Variants in ELP5 observed in about 807,000 individuals in gnomAD.
ELP5 encodes elongator complex protein 5.
In ELP5, 34 loss-of-function variants were observed where a neutral mutation model predicts 33.4. The ratio of observed to expected loss-of-function variants is 1.02; its 90% CI spans 0.78 to 1.36. ELP5 has a LOEUF of 1.36. ELP5 is among the 40% of genes most tolerant of loss of function. ELP5 has a pLI of 0.00. For synonymous variants in ELP5, 161 were observed against 146.4 expected, an observed-to-expected ratio of 1.10 and a Z score of -0.72; for missense variants, 373 against 371.7, an observed-to-expected ratio of 1.00 and a Z score of -0.03.
Position 7,258,843 on chromosome 17 carries a change from T to C in ELP5, c.705T>C (p.His235=), listed in dbSNP as rs370489581. 52 of 1,614,028 alleles carry C rather than the reference T, an allele frequency of 3.2e-5. No homozygotes were observed. The highest frequency in any genetic ancestry group is 3.9e-5 in the Non-Finnish European group (46 of 1,180,030). ...PHIPPVDPTT[H]LTFNLHLSKK... is the part of the protein sequence containing the mutation. ...ACCTACAGGTGGATCCCACAACTCA[T>C]TTGACCTTTAACCTTCACCTGTCCA... Residue 235 remains histidine (H), a synonymous_variant, in exon 7 of 8, where the codon CAT becomes CAC. Coordinates refer to ENST00000396628, the MANE Select transcript of ELP5 (RefSeq NM_203414.3).
intron 4 of ELP5, among the ~76,000 whole-genome samples, chr17:7,255,728 T>C (rs1180922779): frequency 6.6e-6 from 1 of 152,158 alleles, no homozygotes; most frequent in Non-Finnish European, 1.5e-5. Flanking sequence ...AAGGGAAGTA[T>C]TAGGATGAAC....
intron 7 of ELP5, 51 bp from the exon 8 acceptor site, chr17:7,259,520 C>T (rs762516488): frequency 1.9e-6 from 3 of 1,609,354 alleles, no homozygotes; most frequent in Non-Finnish European, 1.7e-6. Context: ...AGAAAGTATC[C>T]AGACCCAACC....
rs1294695696 is a variant in ELP5 at position 7,252,483 on chromosome 17, A to C, written c.-68A>C. 4.3e-6 allele frequency: 7 copies of C among 1,611,594 alleles called. No individual in the cohort carries two copies. In the Admixed American group the frequency reaches 8.4e-5, roughly 19 times the overall value. ...CGAGTGCTCGGCCCGTTTCACCCCG[A>C]GGAGGAAGGACACTGGGTCATGACG... On this transcript the variant is annotated 5_prime_UTR_variant, in exon 1 of 8. Coordinates refer to ENST00000396628, the MANE Select transcript of ELP5 (RefSeq NM_203414.3).
Position 7,258,807 on chromosome 17 carries a change from G to C in ELP5, c.688-19G>C. ...ATTCTAGGGATGGGGCAGAGTGGCA[G>C]CATCCTTTGTACCTACAGGTGGATC... On this transcript the variant is annotated intron_variant, in intron 6 of 7. Transcript: ENST00000396628. 8.7e-6 allele frequency: 14 copies of C among 1,614,150 alleles called. No homozygotes were observed. The highest frequency in any genetic ancestry group is 1.2e-5 in the Non-Finnish European group (14 of 1,180,026).
At chr17:7,257,169 CTG>C in intron 5 of ELP5, 131 bp downstream of exon 5, 1 of 1,007,376 alleles carries the variant, frequency 9.9e-7, no homozygotes, top group Admixed American at 3.1e-5. Flanking sequence ...TGGGGTTTCA[CTG>C]TGTTGGTCAG....
intron 5 of ELP5, 37 bp downstream of exon 5, chr17:7,257,075 G>C (rs750769884): frequency 1.3e-6 from 2 of 1,508,534 alleles, no homozygotes; most frequent in Non-Finnish European, 1.8e-6. Flanking sequence ...GGAAACGGGG[G>C]ACAGAGAAAG....
chr17:7,256,594 A>G (rs974724010), intron 4 of ELP5, among the ~76,000 whole-genome samples: 2 of 152,202 alleles, frequency 1.3e-5, no homozygotes, highest in South Asian at 2.1e-4. Flanking sequence ...CACCTGCTGG[A>G]AGCGTTCGTT....
At chr17:7,259,011 T>C in intron 7 of ELP5, 85 bp downstream of exon 7, 1 of 1,580,160 alleles carries the variant, frequency 6.3e-7, no homozygotes, top group Non-Finnish European at 8.6e-7. Context: ...GGTTATTGAT[T>C]AACCTGACTT....
At position 7,252,821 on chromosome 17, in the gene ELP5, C is replaced by T. The variant is rs780415671; in HGVS notation, c.98C>T (p.Ser33Phe). ...CTCTTGAAGGCGCTTGTCAAGAAAT[C>T]TGCACTGTGGTGAGTATCCCACAGT... is the stretch of plus-strand genomic sequence containing the variant. ...RSLLKALVKK[S>F]ALCGEQVHIL... The change falls in exon 2 of 8, where the codon TCT (serine) becomes TTT (phenylalanine). Residue 33 changes from serine (S) to phenylalanine (F), a missense_variant. Transcript: ENST00000396628. The T allele has an allele frequency of 5.0e-6, 8 of 1,614,110 alleles. No individual in the cohort carries two copies. Among genetic ancestry groups the T allele is most frequent in the Non-Finnish European group, 6.8e-6 (8 of 1,180,044 alleles).
intron 3 of ELP5, among the ~76,000 whole-genome samples, chr17:7,253,459 C>T (rs2071999756): frequency 6.6e-6 from 1 of 152,090 alleles, no homozygotes; most frequent in African/African-American, 2.4e-5. Flanking sequence ...ATGTAAAGGA[C>T]TTTAGTGGGT....
At chr17:7,257,591 C>G (rs543748953) in intron 5 of ELP5, among the ~76,000 whole-genome samples, 1 of 151,860 alleles carries the variant, frequency 6.6e-6, no homozygotes, top group African/African-American at 2.4e-5. Flanking sequence ...CATGTAGCAC[C>G]ACATCCAGCC....
At chr17:7,254,937 CTGTTT>C in intron 4 of ELP5, 134 bp downstream of exon 4, 1 of 611,816 alleles carries the variant, frequency 1.6e-6, no homozygotes, top group African/African-American at 3.2e-5. Context: ...ACTTTTTTGT[CTGTTT>C]TTTTTTTTTT....
chr17:7,252,860 A>T, intron 2 of ELP5, 30 bp downstream of exon 2: 12 of 1,614,092 alleles, frequency 7.4e-6, no homozygotes, highest in Non-Finnish European at 1.0e-5. Context: ...TCCCCGGCCT[A>T]CCCTGGATAG....
chr17:7,254,387 A>G (rs1364057435), intron 3 of ELP5, among the ~76,000 whole-genome samples, 196 bp from the exon 4 acceptor site: 2 of 152,232 alleles, frequency 1.3e-5, no homozygotes, highest in Non-Finnish European at 2.9e-5. Context: ...AGCAAAGCCA[A>G]GCTTGGAGAT....
At chr17:7,259,320 A>T (rs1258419311) in intron 7 of ELP5, 3 of 1,395,508 alleles carry the variant, frequency 2.1e-6, no homozygotes, top group Non-Finnish European at 9.3e-7. Context: ...CGGATGACGC[A>T]AGACTACAAG....
Position 7,256,954 on chromosome 17 carries a change from G to C in ELP5, c.507G>C (p.Gln169His). 1.2e-6 allele frequency: 2 copies of C among 1,613,738 alleles called. No homozygotes were observed. Among genetic ancestry groups the C allele is most frequent in the Non-Finnish European group, 8.5e-7 (1 of 1,180,010 alleles). Residue 169 changes from glutamine to histidine, a missense_variant, in exon 5 of 8, where the codon CAG becomes CAC. Physicochemically the swap from Gln to His is conservative, Grantham distance 24. Transcript: ENST00000396628. ...GPVGALSSLA[Q>H]TEVTLGGTMG... is the part of the protein sequence containing the mutation. ...TGGGAGCTCTCAGCAGCCTTGCTCA[G>C]ACTGAGGTGACCCTGGGCGGTACCA...
chr17:7,254,661 A>G lies in ELP5; in HGVS notation c.267A>G (p.Gly89=), dbSNP rs749960703. 7 of 1,614,112 alleles carry G rather than the reference A, an allele frequency of 4.3e-6. No homozygotes were observed. The highest frequency in any genetic ancestry group is 5.9e-6 in the Non-Finnish European group (7 of 1,180,002). ...AGGCCTTTCCTGGGGGGCCGCTGGG[A>G]GCCTTGAGAGCCATGTGCAAGAGGA... ...TEEAFPGGPL[G]ALRAMCKRTD... is the part of the protein sequence containing the mutation. Residue 89 remains glycine, a synonymous_variant, in exon 4 of 8, where the codon GGA becomes GGG. Transcript: ENST00000396628.
chr17:7,257,960 C>T (rs952599449), intron 5 of ELP5, among the ~76,000 whole-genome samples: 13 of 151,850 alleles, frequency 8.6e-5, no homozygotes, highest in Admixed American at 5.3e-4. Context: ...CCCAGCTATT[C>T]GGGAGGCTGA....
chr17:7,254,670 A>T lies in ELP5; in HGVS notation c.276A>T (p.Arg92Ser). ...CTGGGGGGCCGCTGGGAGCCTTGAG[A>T]GCCATGTGCAAGAGGACAGATCCTG... ...AFPGGPLGAL[R>S]AMCKRTDPVP... Residue 92 changes from arginine to serine, a missense_variant, in exon 4 of 8, where the codon AGA (arginine) becomes AGT (serine). Arg to Ser is a moderately radical substitution (Grantham distance 110). Transcript: ENST00000396628. 3 of 1,614,086 alleles carry T rather than the reference A, an allele frequency of 1.9e-6. No homozygotes were observed. The South Asian group carries it at 3.3e-5, about 18-fold the overall frequency.
Sources: gnomAD v4.1 joint callset for allele counts (sites outside exome capture counted in the v4.1 genomes callset) on GRCh38, gnomAD v4.1.1 for gene constraint, MANE v1.5 for transcripts, NCBI Gene and HGNC (gene_info 2026-07-23, HGNC 2026-07-21) for gene names.